Variants in AASDHPPT observed in about 807,000 individuals in gnomAD.
AASDHPPT encodes the protein L-aminoadipate-semialdehyde dehydrogenase-phosphopantetheinyl transferase.
In AASDHPPT, 23 loss-of-function variants were observed where a neutral mutation model predicts 36.4. That is an observed-to-expected ratio of 0.63 (90% confidence interval 0.45 to 0.89). The LOEUF (loss-of-function observed/expected upper bound fraction) is 0.89, where lower values mean the gene tolerates loss of function less well. Among genes scored for constraint, AASDHPPT ranks in the 40% least tolerant of loss-of-function variants. The probability of loss-of-function intolerance (pLI) is 0.00; values close to 1 mark genes in which losing one functional copy is unlikely to be tolerated. For missense variants in AASDHPPT, 377 were observed against 378.2 expected, an observed-to-expected ratio of 1.00 and a Z score of 0.03; for synonymous variants, 115 against 128.0, an observed-to-expected ratio of 0.90 and a Z score of 0.68.
intron 2 of AASDHPPT, among the ~76,000 whole-genome samples, chr11:106,082,195 A>G (rs369397507): frequency 8.5e-5 from 13 of 152,172 alleles, no homozygotes; most frequent in African/African-American, 3.1e-4. Context: ...AGCTGTTGCT[A>G]TGTCCAGTAA....
chr11:106,095,910 C>T (rs187979484), intron 5 of AASDHPPT: 13 of 152,290 alleles, frequency 8.5e-5, no homozygotes, highest in Admixed American at 4.6e-4. Flanking sequence ...TTTGCATATT[C>T]AGTACTTTTC....
chr11:106,094,555 C>G, intron 4 of AASDHPPT, 28 bp from the exon 5 acceptor site: 1 of 1,515,126 alleles, frequency 6.6e-7, no homozygotes, highest in Non-Finnish European at 9.0e-7. Flanking sequence ...ATTTTATAAT[C>G]TATATTTATT....
At chr11:106,090,346 C>G (rs1473427966) in intron 2 of AASDHPPT, among the ~76,000 whole-genome samples, 1 of 151,976 alleles carries the variant, frequency 6.6e-6, no homozygotes, top group Non-Finnish European at 1.5e-5. Context: ...TATTTCTGGG[C>G]TAACCACTGC....
intron 2 of AASDHPPT, 43 bp downstream of exon 2, chr11:106,079,735 GC>G (rs1861114441): frequency 3.3e-6 from 5 of 1,517,372 alleles, no homozygotes; most frequent in Non-Finnish European, 4.6e-6. Context: ...GTGTCTCGAT[GC>G]CTCAGTTCTA....
rs370423833 is a variant in AASDHPPT, at chr11:106,096,941, G to A, written c.*34G>A. On this transcript the variant is annotated 3_prime_UTR_variant, in exon 6 of 6. Coordinates refer to ENST00000278618, the MANE Select transcript of AASDHPPT (RefSeq NM_015423.3). ...TGAGTAACAAAGGGAAATGAAAACT[G>A]TTTGTGATCTTCCGTATTCACTGAA... 100 of 1,549,388 alleles carry A rather than the reference G, an allele frequency of 6.5e-5. 1 individual carries two copies. The highest frequency in any genetic ancestry group is 2.1e-5 in the Admixed American group (1 of 48,674).
chr11:106,096,476 ATG>A (rs1861314603), intron 5 of AASDHPPT: 1 of 258,788 alleles, frequency 3.9e-6, no homozygotes, highest in African/African-American at 2.2e-5. Context: ...CACTTTTTGG[ATG>A]TGGGGCCCAG....
rs922284057 is a variant in AASDHPPT, at chr11:106,098,270, C to T, written c.*1363C>T. 3 of 151,870 alleles carry T rather than the reference C, an allele frequency of 2.0e-5. No individual in the cohort carries two copies. Among genetic ancestry groups the T allele is most frequent in the Non-Finnish European group, 4.4e-5 (3 of 67,930 alleles). The allele number at this position is 151,870 out of a possible 1,614,324, so 9.4% of individuals were successfully genotyped here. ...TTTTCGTATTCCTCTTAACGTGAACCGTCTGTTCATTGTTTTTACCTGTTT... is the reference window on the plus strand; with the variant it reads ...TTTTCGTATTCCTCTTAACGTGAACTGTCTGTTCATTGTTTTTACCTGTTT... On this transcript the variant is annotated 3_prime_UTR_variant, in exon 6 of 6. Coordinates refer to ENST00000278618, the MANE Select transcript of AASDHPPT (RefSeq NM_015423.3).
chr11:106,077,705 C>A lies in AASDHPPT; in HGVS notation c.-6C>A. On this transcript the variant is annotated 5_prime_UTR_variant, in exon 1 of 6. Coordinates refer to ENST00000278618, the MANE Select transcript of AASDHPPT (RefSeq NM_015423.3). ...CCGAGATAGCGGCGAGGTCCGCTTT[C>A]AGTGTATGGTTTTCCCTGCCAAACG... 3.1e-6 allele frequency: 5 copies of A among 1,608,710 alleles called. No homozygotes were observed. The highest frequency in any genetic ancestry group is 4.3e-6 in the Non-Finnish European group (5 of 1,175,818).
At chr11:106,084,862 G>A (rs1444543990) in intron 2 of AASDHPPT, among the ~76,000 whole-genome samples, 3 of 151,850 alleles carry the variant, frequency 2.0e-5, no homozygotes, top group East Asian at 1.9e-4. Context: ...TGAACTGCCC[G>A]CCTTGGCCTC....
rs140111373 is a variant in AASDHPPT, at chr11:106,094,732, A to G, written c.765+78A>G. The stretch of plus-strand genomic sequence containing the variant: ...TTGCTCTTTATTGATGGAAATAGTC[A>G]TTTGCCTTATATCAGTTTAGAGAGA... On this transcript the variant is annotated intron_variant, in intron 5 of 5. Coordinates refer to ENST00000278618, the MANE Select transcript of AASDHPPT (RefSeq NM_015423.3). The G allele has an allele frequency of 3.2e-4, 364 of 1,123,896 alleles. 3 individuals are homozygous for G. In the African/African-American group the frequency reaches 5.1e-3, roughly 16 times the overall value. The allele number at this position is 1,123,896 out of a possible 1,614,324, so 69.6% of individuals were successfully genotyped here.
intron 2 of AASDHPPT, among the ~76,000 whole-genome samples, chr11:106,085,248 C>T (rs1431251729): frequency 6.6e-6 from 1 of 152,088 alleles, no homozygotes; most frequent in Non-Finnish European, 1.5e-5. Flanking sequence ...ACTACAGGCA[C>T]TTGCCACGAC....
intron 1 of AASDHPPT, among the ~76,000 whole-genome samples, 186 bp from the exon 2 acceptor site, chr11:106,079,281 C>G (rs923101648): frequency 6.6e-6 from 1 of 152,088 alleles, no homozygotes; most frequent in East Asian, 1.9e-4. Context: ...ATTGCTAAGG[C>G]GGGCTTTAAC....
intron 4 of AASDHPPT, chr11:106,093,053 A>T (rs1013598741): frequency 6.6e-6 from 1 of 152,180 alleles, no homozygotes; most frequent in African/African-American, 2.4e-5. Flanking sequence ...CTGATAAAGA[A>T]TGACCAAAAT....
chr11:106,090,096 T>TC (rs1457658673), intron 2 of AASDHPPT, among the ~76,000 whole-genome samples: 1 of 152,006 alleles, frequency 6.6e-6, no homozygotes, highest in African/African-American at 2.4e-5. Flanking sequence ...TCCCTTTTTT[T>TC]CTCTGTTACA....
At chr11:106,078,001 G>C in intron 1 of AASDHPPT, 108 bp downstream of exon 1, 1 of 1,356,022 alleles carries the variant, frequency 7.4e-7, no homozygotes, top group Non-Finnish European at 9.9e-7. Context: ...CCCTCTCGCT[G>C]TGGAGCCTGT....
rs570174007 is a variant in AASDHPPT at position 106,078,184 on chromosome 11, C to T, written c.183+291C>T. ...ACCATGAAATAAGTGTAGGGAAGGC[C>T]GACAAAATTGGGTTTTTCTGTAATG... On this transcript the variant is annotated intron_variant, in intron 1 of 5. Transcript: ENST00000278618. 2.0e-5 allele frequency among the ~76,000 whole-genome samples: 3 copies of T among 151,742 alleles called. No homozygotes were observed. The South Asian group carries it at 6.3e-4, about 32-fold the overall frequency.
intron 4 of AASDHPPT, chr11:106,093,404 G>A (rs1377950215): frequency 6.6e-6 from 1 of 151,944 alleles, no homozygotes; most frequent in Admixed American, 6.6e-5. Context: ...TTTTAAATTT[G>A]TACATTCCAG....
At chr11:106,084,936 A>T (rs1861182628) in intron 2 of AASDHPPT, among the ~76,000 whole-genome samples, 1 of 152,018 alleles carries the variant, frequency 6.6e-6, no homozygotes, top group Non-Finnish European at 1.5e-5. Flanking sequence ...TTTAAACAAT[A>T]TTCCCAGCTG....
At chr11:106,090,813 G>A in intron 3 of AASDHPPT, 135 bp downstream of exon 3, 1 of 1,225,374 alleles carries the variant, frequency 8.2e-7, no homozygotes, top group South Asian at 1.7e-5. Flanking sequence ...AGAATTTTAT[G>A]GTTTTTATGC....
Sources: gnomAD v4.1 joint callset for allele counts (sites outside exome capture counted in the v4.1 genomes callset) on GRCh38, gnomAD v4.1.1 for gene constraint, MANE v1.5 for transcripts, NCBI Gene and HGNC (gene_info 2026-07-23, HGNC 2026-07-21) for gene names.